Variants in GRIP1 observed in about 807,000 individuals in gnomAD.
GRIP1 encodes glutamate receptor interacting protein 1, also known as glutamate receptor-interacting protein 1.
In GRIP1, 45 loss-of-function variants were observed where a neutral mutation model predicts 129.9. The ratio of observed to expected loss-of-function variants is 0.35; its 90% CI spans 0.27 to 0.44. The LOEUF (loss-of-function observed/expected upper bound fraction) is 0.44, where lower values mean the gene tolerates loss of function less well. Ranked by LOEUF, GRIP1 falls within the 20% of genes least tolerant of loss-of-function variation. The probability of loss-of-function intolerance (pLI) is 1.00; values close to 1 mark genes in which losing one functional copy is unlikely to be tolerated. For missense variants in GRIP1, 1,196 were observed against 1,396.8 expected, an observed-to-expected ratio of 0.86 and a Z score of 2.29; for synonymous variants, 530 against 520.8, an observed-to-expected ratio of 1.02 and a Z score of -0.24.
At chr12:66,423,756 G>T (rs1044951092) in intron 14 of GRIP1, among the ~76,000 whole-genome samples, 2 of 152,098 alleles carry the variant, frequency 1.3e-5, no homozygotes, top group African/African-American at 4.8e-5. Flanking sequence ...TTCCAAGTGG[G>T]AAATCCATAC....
intron 1 of GRIP1, among the ~76,000 whole-genome samples, chr12:66,626,030 G>A (rs1050348166): frequency 1.3e-5 from 2 of 151,938 alleles, no homozygotes; most frequent in African/African-American, 4.8e-5. Flanking sequence ...GCAGAGGGAA[G>A]AACAAGCTTA....
At position 66,920,488 on chromosome 12, in the gene GRIP1, A is replaced by G. The variant is rs147698464; in HGVS notation, c.58+148562T>C. 1.6e-3 allele frequency among the ~76,000 whole-genome samples: 245 copies of G among 152,304 alleles called. 1 individual carries two copies. The highest frequency in any genetic ancestry group is 2.7e-3 in the Non-Finnish European group (182 of 68,022). ...CGATGACAAGACACATGTCACATTC[A>G]TGTCCCAAAAGCTCAAGGAGTAGTA... is the stretch of plus-strand genomic sequence containing the variant. On this transcript the variant is annotated intron_variant, in intron 1 of 1. Transcript: ENST00000643019.
intron 1 of GRIP1, among the ~76,000 whole-genome samples, chr12:66,711,207 A>G (rs1338610905): frequency 1.3e-5 from 2 of 151,900 alleles, no homozygotes; most frequent in Non-Finnish European, 2.9e-5. Context: ...CTACTTAATA[A>G]CAAAATAATG....
rs548555309 is a variant in GRIP1 at position 66,741,767 on chromosome 12, A to G, written c.-420+62286T>C. On this transcript the variant is annotated intron_variant, in intron 1 of 4. Transcript: ENST00000538373. ...GGACTAGCTACATTTCAAATGCTCT[A>G]TAGCCAGCCACATGCAGCTAGTGGC... Among the ~76,000 whole-genome samples, 6 of 152,298 alleles carry G rather than the reference A, an allele frequency of 3.9e-5. No individual in the cohort carries two copies. In the East Asian group the frequency reaches 9.6e-4, roughly 24 times the overall value.
At chr12:66,442,656 T>G (rs1664495984) in intron 13 of GRIP1, among the ~76,000 whole-genome samples, 1 of 152,036 alleles carries the variant, frequency 6.6e-6, no homozygotes, top group Non-Finnish European at 1.5e-5. Context: ...CTTAGCCTCT[T>G]GAGTAGCTGG....
chr12:66,969,215 G>A (rs7303689), intron 1 of GRIP1, among the ~76,000 whole-genome samples: 141 of 152,192 alleles, frequency 9.3e-4, no homozygotes, highest in African/African-American at 3.3e-3. Flanking sequence ...TCTACTTTGT[G>A]TTCTCTGAGC....
chr12:66,725,979 A>T (rs2036242425), intron 1 of GRIP1, among the ~76,000 whole-genome samples: 1 of 152,206 alleles, frequency 6.6e-6, no homozygotes, highest in South Asian at 2.1e-4. Context: ...GTGAATAAAT[A>T]GCATTGTCAA....
At chr12:66,478,892 T>C in intron 7 of GRIP1, among the ~76,000 whole-genome samples, 1 of 151,970 alleles carries the variant, frequency 6.6e-6, no homozygotes, top group African/African-American at 2.4e-5. Context: ...GGTGCAGCAA[T>C]GGGGGAGGGA....
intron 1 of GRIP1, among the ~76,000 whole-genome samples, chr12:66,993,788 C>CAAAAAAAAAAAAAAAA (rs3051204): frequency 8.6e-6 from 1 of 116,160 alleles, no homozygotes; most frequent in Non-Finnish European, 1.8e-5. Flanking sequence ...GAGGCTGTCT[C>CAAAAAAAAAAAAAAAA]AAAAAAAAAA....
At chr12:66,441,778 C>T (rs2058478218) in intron 13 of GRIP1, among the ~76,000 whole-genome samples, 1 of 152,204 alleles carries the variant, frequency 6.6e-6, no homozygotes. Flanking sequence ...CAACTCATCT[C>T]TAAAATAGAA....
chr12:66,730,217 T>C (rs934703591), intron 1 of GRIP1, among the ~76,000 whole-genome samples: 1 of 152,192 alleles, frequency 6.6e-6, no homozygotes, highest in African/African-American at 2.4e-5. Context: ...GGTTTTTATT[T>C]TACCGTAAAA....
intron 4 of GRIP1, among the ~76,000 whole-genome samples, chr12:66,530,778 C>T (rs575479887): frequency 6.6e-6 from 1 of 151,900 alleles, no homozygotes; most frequent in Admixed American, 6.6e-5. Flanking sequence ...TATCATTATG[C>T]ACAGAGAAAT....
chr12:66,685,813 C>T (rs141423417), intron 1 of GRIP1, among the ~76,000 whole-genome samples: 44 of 152,288 alleles, frequency 2.9e-4, no homozygotes, highest in African/African-American at 5.5e-4. Flanking sequence ...CCATCTAACA[C>T]GCTACCTATT....
intron 1 of GRIP1, among the ~76,000 whole-genome samples, chr12:66,602,999 A>G (rs12316662): frequency 0.056 from 8,523 of 151,498 alleles, 302 homozygotes; most frequent in African/African-American, 0.096. Context: ...CTGGGATTGC[A>G]GGTGCATGCC....
intron 1 of GRIP1, among the ~76,000 whole-genome samples, chr12:66,751,923 T>C (rs956880777): frequency 1.3e-5 from 2 of 152,148 alleles, no homozygotes; most frequent in Non-Finnish European, 2.9e-5. Flanking sequence ...ATCACCTTGC[T>C]GCAATTTCAA....
At chr12:67,041,600 G>T (rs946257956) in intron 1 of GRIP1, among the ~76,000 whole-genome samples, 1 of 152,116 alleles carries the variant, frequency 6.6e-6, no homozygotes, top group Non-Finnish European at 1.5e-5. Context: ...GTGATCCTCA[G>T]CAAAATCAGA....
At chr12:66,388,374 T>C (rs889395327) in intron 19 of GRIP1, among the ~76,000 whole-genome samples, 1 of 152,110 alleles carries the variant, frequency 6.6e-6, no homozygotes, top group African/African-American at 2.4e-5. Flanking sequence ...AAAAATAAGA[T>C]AGAAATATAG....
At chr12:66,947,401 A>C (rs1357155132) in intron 1 of GRIP1, among the ~76,000 whole-genome samples, 1 of 152,202 alleles carries the variant, frequency 6.6e-6, no homozygotes, top group Non-Finnish European at 1.5e-5. Flanking sequence ...GTAAATGTGA[A>C]AGTATTTAGA....
chr12:66,535,012 ATC>A (rs1469490877), intron 4 of GRIP1, among the ~76,000 whole-genome samples: 1 of 151,794 alleles, frequency 6.6e-6, no homozygotes, highest in Admixed American at 6.6e-5. Context: ...GTCTTTCCCT[ATC>A]TGTTTGTAGT....
Sources: allele counts gnomAD v4.1 joint callset (sites outside exome capture counted in the v4.1 genomes callset), GRCh38; gene constraint gnomAD v4.1.1; transcripts MANE v1.5; gene names NCBI Gene and HGNC (gene_info 2026-07-23, HGNC 2026-07-21).